TBC1D32: variants seen among roughly 807,000 people sequenced by gnomAD.
TBC1D32 encodes protein broad-minded.
A neutral mutation model predicts 170.3 loss-of-function variants in TBC1D32; 151 were observed. The observed-to-expected ratio is 0.89, with a 90% CI of 0.78 to 1.01. The LOEUF (loss-of-function observed/expected upper bound fraction) is 1.01. Among genes scored for constraint, TBC1D32 ranks in the 50% least tolerant of loss-of-function variants. The pLI, the probability that TBC1D32 is intolerant of heterozygous loss-of-function variation, is 0.00. For synonymous variants in TBC1D32, 498 were observed against 488.0 expected (o/e 1.02, Z -0.27); for missense variants, 1,464 against 1,457.1 (o/e 1.00, Z -0.08).
chr6:121,248,297 G>A (rs564236134), intron 17 of TBC1D32, among the ~76,000 whole-genome samples: 7 of 151,712 alleles, frequency 4.6e-5, no homozygotes, highest in South Asian at 2.1e-4. Context: ...TTGTCAAAAC[G>A]CCTGGGATAC....
intron 26 of TBC1D32, among the ~76,000 whole-genome samples, chr6:121,117,309 G>T (rs1488156357): frequency 2.0e-5 from 3 of 152,000 alleles, no homozygotes; most frequent in Non-Finnish European, 4.4e-5. Context: ...TATAACTTTG[G>T]TATGAACAAA....
intron 20 of TBC1D32, among the ~76,000 whole-genome samples, chr6:121,227,715 T>A (rs908622880): frequency 1.3e-5 from 2 of 152,086 alleles, no homozygotes; most frequent in African/African-American, 4.8e-5. Context: ...ATCGATAATA[T>A]AGTATTTTAA....
At chr6:121,103,719 A>G (rs769964297) in intron 30 of TBC1D32, among the ~76,000 whole-genome samples, 4 of 152,164 alleles carry the variant, frequency 2.6e-5, no homozygotes, top group Admixed American at 6.6e-5. Flanking sequence ...TGTACCCTAG[A>G]ACTTAAAGAA....
chr6:121,307,668 C>G (rs932466490), intron 5 of TBC1D32, among the ~76,000 whole-genome samples: 1 of 151,904 alleles, frequency 6.6e-6, no homozygotes, highest in African/African-American at 2.4e-5. Context: ...GAGACCAGCC[C>G]GGCCAACATG....
intron 24 of TBC1D32, among the ~76,000 whole-genome samples, chr6:121,155,955 A>G (rs73540506): frequency 0.018 from 2,727 of 152,140 alleles, 84 homozygotes; most frequent in African/African-American, 0.063. Context: ...ATGTTCATCA[A>G]GAATATTTGG....
intron 21 of TBC1D32, among the ~76,000 whole-genome samples, chr6:121,214,760 G>A (rs1335002976): frequency 6.6e-6 from 1 of 152,198 alleles, no homozygotes; most frequent in African/African-American, 2.4e-5. Flanking sequence ...AGCATGAGCA[G>A]GAGGCATGTT....
At chr6:121,300,442 A>G (rs555769691) in intron 9 of TBC1D32, among the ~76,000 whole-genome samples, 80 of 152,012 alleles carry the variant, frequency 5.3e-4, no homozygotes, top group Non-Finnish European at 1.1e-3. Flanking sequence ...GTGAGACTCC[A>G]TCTCAAAAAA....
intron 22 of TBC1D32, among the ~76,000 whole-genome samples, chr6:121,195,885 TTG>T (rs757265639): frequency 2.0e-5 from 3 of 152,140 alleles, no homozygotes; most frequent in Non-Finnish European, 4.4e-5. Flanking sequence ...GTGCACCAGG[TTG>T]TGCACTTTGC....
chr6:121,247,161 CTTAT>C (rs1797718554), intron 17 of TBC1D32, among the ~76,000 whole-genome samples: 1 of 152,032 alleles, frequency 6.6e-6, no homozygotes, highest in African/African-American at 2.4e-5. Context: ...GAACTGGGGT[CTTAT>C]TTATAGCTCC....
At chr6:121,097,015 C>A (rs1267156943) in intron 30 of TBC1D32, among the ~76,000 whole-genome samples, 1 of 151,966 alleles carries the variant, frequency 6.6e-6, no homozygotes, top group Non-Finnish European at 1.5e-5. Flanking sequence ...TGAAACTGGA[C>A]CCCTTCCTTA....
intron 25 of TBC1D32, among the ~76,000 whole-genome samples, chr6:121,129,156 C>A (rs1781160353): frequency 6.6e-6 from 1 of 152,152 alleles, no homozygotes; most frequent in South Asian, 2.1e-4. Flanking sequence ...TTTGCTTTGG[C>A]AGCCTGAAGA....
chr6:121,285,768 C>T (rs150125230), intron 12 of TBC1D32, among the ~76,000 whole-genome samples: 3,628 of 152,244 alleles, frequency 0.024, 154 homozygotes, highest in East Asian at 0.12. Context: ...CTCACACGGC[C>T]AGGTACTCCT....
chr6:121,307,913 T>C, intron 5 of TBC1D32, 63 bp downstream of exon 5: 1 of 1,517,770 alleles, frequency 6.6e-7, no homozygotes, highest in Non-Finnish European at 9.0e-7. Context: ...TATCATATTC[T>C]ATTTATTTCC....
intron 25 of TBC1D32, among the ~76,000 whole-genome samples, chr6:121,130,346 G>A (rs551235926): frequency 1.1e-4 from 17 of 152,168 alleles, no homozygotes; most frequent in Non-Finnish European, 2.1e-4. Context: ...ACTAGGTGTC[G>A]TGACATGCGC....
At chr6:121,265,532 A>G (rs34772741) in intron 15 of TBC1D32, among the ~76,000 whole-genome samples, 1 of 152,046 alleles carries the variant, frequency 6.6e-6, no homozygotes, top group Admixed American at 6.6e-5. Context: ...ACTACCATTG[A>G]CATTCTTCAC....
At chr6:121,230,484 T>C (rs1406275389) in intron 20 of TBC1D32, among the ~76,000 whole-genome samples, 1 of 152,106 alleles carries the variant, frequency 6.6e-6, no homozygotes, top group Non-Finnish European at 1.5e-5. Context: ...TAATTATAGT[T>C]CAGTACAGAC....
At chr6:121,204,960 A>G (rs1298068133) in intron 22 of TBC1D32, 115 bp downstream of exon 22, 1 of 554,448 alleles carries the variant, frequency 1.8e-6, no homozygotes, top group African/African-American at 2.0e-5. Context: ...AATTACCTTT[A>G]AGCATGCTTT....
At chr6:121,098,985 A>G (rs1362812768) in intron 30 of TBC1D32, among the ~76,000 whole-genome samples, 1 of 152,020 alleles carries the variant, frequency 6.6e-6, no homozygotes, top group Non-Finnish European at 1.5e-5. Context: ...CAGCATTCAT[A>G]TCCTGCTTTG....
intron 20 of TBC1D32, chr6:121,224,216 T>C (rs1416435733): frequency 1.3e-5 from 2 of 152,156 alleles, no homozygotes; most frequent in Non-Finnish European, 2.9e-5. Flanking sequence ...TCTCCTGCCC[T>C]CCACTTACTC....
Sources: gnomAD v4.1 joint callset for allele counts (sites outside exome capture counted in the v4.1 genomes callset) on GRCh38, gnomAD v4.1.1 for gene constraint, MANE v1.5 for transcripts, NCBI Gene and HGNC (gene_info 2026-07-23, HGNC 2026-07-21) for gene names.